The following CCL26 variants were observed in gnomAD, a reference collection of about 807,000 sequenced individuals.
CCL26 encodes the protein C-C motif chemokine ligand 26.
Under a neutral mutation model 10.7 loss-of-function variants are expected in CCL26, and 10 were observed. The ratio of observed to expected loss-of-function variants is 0.93; its 90% confidence interval spans 0.57 to 1.58. The LOEUF (loss-of-function observed/expected upper bound fraction) is 1.58. Among genes scored for constraint, CCL26 ranks in the 40% most tolerant of loss-of-function variants. The pLI, the probability that CCL26 is intolerant of heterozygous loss-of-function variation, is 0.00. For missense variants in CCL26, 116 were observed against 111.0 expected, an observed-to-expected ratio of 1.05 and a Z score of -0.20; for synonymous variants, 43 against 41.4, an observed-to-expected ratio of 1.04 and a Z score of -0.15.
chr7:75,774,447 CTGTT>C (rs1185528286), upstream of CCL26, among the ~76,000 whole-genome samples: 11 of 152,028 alleles, frequency 7.2e-5, no homozygotes, highest in South Asian at 4.2e-4. Flanking sequence ...CCATGCCCAG[CTGTT>C]TGTTTGTTTT....
At chr7:75,782,954 C>T (rs1465494602) in intron 1 of CCL26, among the ~76,000 whole-genome samples, 1 of 152,096 alleles carries the variant, frequency 6.6e-6, no homozygotes, top group Non-Finnish European at 1.5e-5. Flanking sequence ...CAGGCCAAAC[C>T]AGGTCCCAAT....
chr7:75,776,286 G>A (rs1045496755), upstream of CCL26, among the ~76,000 whole-genome samples: 18 of 151,574 alleles, frequency 1.2e-4, no homozygotes, highest in South Asian at 1.3e-3. Context: ...TGGCCAGGCT[G>A]GTTTTGAACT....
intron 1 of CCL26, among the ~76,000 whole-genome samples, chr7:75,788,485 G>A (rs542410353): frequency 4.6e-5 from 7 of 151,572 alleles, no homozygotes; most frequent in South Asian, 2.1e-4. Flanking sequence ...GACTCAGCCC[G>A]CCTGCACCCA....
At chr7:75,772,927 T>C (rs1272276676), upstream of CCL26, among the ~76,000 whole-genome samples, 7 of 152,356 alleles carry the variant, frequency 4.6e-5, no homozygotes, top group Non-Finnish European at 1.0e-4. Flanking sequence ...GATAGGTTTC[T>C]GGCTCTTGGG....
At chr7:75,786,309 C>T (rs1327739482) in intron 1 of CCL26, among the ~76,000 whole-genome samples, 1 of 152,152 alleles carries the variant, frequency 6.6e-6, no homozygotes, top group Non-Finnish European at 1.5e-5. Flanking sequence ...CAGGCCTGAT[C>T]GCCACTCACC....
At chr7:75,791,013 C>CTTTTTT (rs35608337), upstream of CCL26, among the ~76,000 whole-genome samples, 4 of 134,352 alleles carry the variant, frequency 3.0e-5, no homozygotes, top group Non-Finnish European at 3.2e-5. Context: ...GAAACTCCTC[C>CTTTTTT]TTTTTTTTTT....
intron 1 of CCL26, among the ~76,000 whole-genome samples, chr7:75,788,735 A>G (rs1305226691): frequency 2.6e-5 from 4 of 151,838 alleles, no homozygotes; most frequent in African/African-American, 9.7e-5. Context: ...AAAAAAAAAA[A>G]AAGAAGAAAA....
chr7:75,772,654 CAAA>C (rs5884975), upstream of CCL26, among the ~76,000 whole-genome samples: 2 of 121,020 alleles, frequency 1.7e-5, no homozygotes, highest in Admixed American at 8.3e-5. Context: ...GAGACTCTGC[CAAA>C]AAAAAAAAAA....
upstream of CCL26, among the ~76,000 whole-genome samples, chr7:75,772,643 T>G (rs1407091930): frequency 4.4e-5 from 6 of 135,956 alleles, no homozygotes; most frequent in South Asian, 2.4e-4. Context: ...GGCGACAGAG[T>G]GAGACTCTGC....
At chr7:75,779,801 C>T (rs1341990230) in intron 1 of CCL26, among the ~76,000 whole-genome samples, 2 of 152,220 alleles carry the variant, frequency 1.3e-5, no homozygotes, top group Admixed American at 6.5e-5. Context: ...CCTGCTTTGG[C>T]TGCTCACCCA....
At position 75,771,504 on chromosome 7, in the gene CCL26, T is replaced by G. The variant is rs139354948; in HGVS notation, c.188+385A>C. 1.9e-3 allele frequency among the ~76,000 whole-genome samples: 294 copies of G among 152,244 alleles called. 6 individuals are homozygous for G. Among genetic ancestry groups the G allele is most frequent in the African/African-American group, 6.7e-3 (280 of 41,546 alleles). ...GGGAGGCTGAGGCGGGCAAATCACA[T>G]GAGCTCAGAAGTTTAAGACCAGCCT... On this transcript the variant is annotated intron_variant, in intron 2 of 2. Transcript: ENST00000005180.
chr7:75,778,005 G>C (rs1802979671), intron 1 of CCL26, among the ~76,000 whole-genome samples: 3 of 151,866 alleles, frequency 2.0e-5, no homozygotes, highest in African/African-American at 2.4e-5. Flanking sequence ...CAGGCATGAG[G>C]CACCAACCCC....
At chr7:75,790,802 G>A (rs1418190103), upstream of CCL26, among the ~76,000 whole-genome samples, 1 of 151,850 alleles carries the variant, frequency 6.6e-6, no homozygotes, top group South Asian at 2.1e-4. Context: ...AAATTAGCCA[G>A]GTGTGATAGT....
upstream of CCL26, among the ~76,000 whole-genome samples, chr7:75,773,898 T>C (rs981165622): frequency 3.4e-4 from 51 of 151,800 alleles, no homozygotes; most frequent in Non-Finnish European, 4.6e-4. Context: ...AAAAAGAAAT[T>C]TGTAGAGCCC....
chr7:75,787,270 C>T (rs957265740), intron 1 of CCL26, among the ~76,000 whole-genome samples: 2 of 152,138 alleles, frequency 1.3e-5, no homozygotes, highest in Non-Finnish European at 2.9e-5. Flanking sequence ...TTCTCAGGCT[C>T]TTGGTATTCA....
At chr7:75,771,104 G>A (rs2115634450) in intron 2 of CCL26, among the ~76,000 whole-genome samples, 1 of 151,588 alleles carries the variant, frequency 6.6e-6, no homozygotes, top group African/African-American at 2.4e-5. Context: ...CTTTTGTTAG[G>A]GATGAAGTCT....
At chr7:75,777,250 A>C (rs1554528858) in intron 1 of CCL26, among the ~76,000 whole-genome samples, 1 of 151,954 alleles carries the variant, frequency 6.6e-6, no homozygotes, top group Admixed American at 6.6e-5. Context: ...AAAAACAAAA[A>C]CGTGTTCCTA....
chr7:75,780,728 C>T (rs1187353984), intron 1 of CCL26, among the ~76,000 whole-genome samples: 2 of 152,068 alleles, frequency 1.3e-5, no homozygotes, highest in African/African-American at 2.4e-5. Flanking sequence ...CAACCCCAAG[C>T]GTCTCTGAGT....
intron 1 of CCL26, among the ~76,000 whole-genome samples, chr7:75,781,972 CG>C (rs1427727370): frequency 6.6e-6 from 1 of 152,134 alleles, no homozygotes; most frequent in Middle Eastern, 3.2e-3. Flanking sequence ...GGGACTCCTT[CG>C]GGAGACCAGT....
Sources: gnomAD v4.1 joint callset for allele counts (sites outside exome capture counted in the v4.1 genomes callset) on GRCh38, gnomAD v4.1.1 for gene constraint, MANE v1.5 for transcripts, NCBI Gene and HGNC (gene_info 2026-07-23, HGNC 2026-07-21) for gene names.